AKAP13: variants seen among roughly 807,000 people sequenced by gnomAD.
The protein encoded by AKAP13 is A-kinase anchor protein 13.
In AKAP13, 80 loss-of-function variants were observed where a neutral mutation model predicts 264.5. The observed-to-expected ratio is 0.30, with a 90% CI of 0.25 to 0.36. The LOEUF (loss-of-function observed/expected upper bound fraction) is 0.36, where lower values mean the gene tolerates loss of function less well. Among genes scored for constraint, AKAP13 ranks in the 10% least tolerant of loss-of-function variants. AKAP13 has a pLI of 1.00. For missense variants in AKAP13, 3,712 were observed against 3,435.2 expected, an observed-to-expected ratio of 1.08 and a Z score of -2.01; for synonymous variants, 1,380 against 1,250.2, an observed-to-expected ratio of 1.10 and a Z score of -2.19.
chr15:85,582,975 G>C (rs2079185792), intron 7 of AKAP13: 2 of 985,420 alleles, frequency 2.0e-6, no homozygotes, highest in Non-Finnish European at 2.4e-6. Flanking sequence ...AACCGCTATT[G>C]CTCCGTGGAA....
At chr15:85,405,454 T>G (rs2071617417) in intron 1 of AKAP13, among the ~76,000 whole-genome samples, 1 of 152,218 alleles carries the variant, frequency 6.6e-6, no homozygotes, top group African/African-American at 2.4e-5. Context: ...AATTCTAATC[T>G]TGTGTGGATA....
At chr15:85,419,216 T>C (rs552119692) in intron 1 of AKAP13, among the ~76,000 whole-genome samples, 4 of 152,388 alleles carry the variant, frequency 2.6e-5, no homozygotes, top group African/African-American at 9.6e-5. Context: ...GCAAGTACTT[T>C]GCAAACTTCT....
intron 5 of AKAP13, among the ~76,000 whole-genome samples, chr15:85,553,771 C>T (rs1206974151): frequency 6.6e-6 from 1 of 152,166 alleles, no homozygotes; most frequent in Non-Finnish European, 1.5e-5. Flanking sequence ...GTCAGGCGGG[C>T]GAGCGAGCAT....
intron 2 of AKAP13, among the ~76,000 whole-genome samples, chr15:85,520,902 T>A (rs991201864): frequency 4.6e-5 from 7 of 152,252 alleles, no homozygotes; most frequent in Non-Finnish European, 8.8e-5. Context: ...CAAGCTCGTC[T>A]TCTTTGCACT....
chr15:85,405,869 CAG>C (rs1242072411), intron 1 of AKAP13, among the ~76,000 whole-genome samples: 1 of 151,748 alleles, frequency 6.6e-6, no homozygotes, highest in African/African-American at 2.4e-5. Flanking sequence ...TTTTTTGAGA[CAG>C]AGTCTTGCCC....
chr15:85,733,879 T>C (rs1304270142), intron 30 of AKAP13, among the ~76,000 whole-genome samples: 9 of 143,520 alleles, frequency 6.3e-5, no homozygotes, highest in South Asian at 2.2e-4. Context: ...TTTTCTTTTT[T>C]TTTTTTTTTT....
Position 85,744,792 on chromosome 15 carries a change from GTCC to G in AKAP13, c.*120_*122del. 1.0e-6 allele frequency: 1 copy of G among 992,742 alleles called. No individual in the cohort carries two copies. The highest frequency in any genetic ancestry group is 1.6e-5 in the South Asian group (1 of 61,972). The allele number at this position is 992,742 out of a possible 1,614,324, so 61.5% of individuals were successfully genotyped here. ...GACGCCCACTGCTCCTCAGCGTCCA[GTCC>G]TCCTGGGCGGCCCCAGGTCCTGGAC... On this transcript the variant is annotated 3_prime_UTR_variant, in exon 37 of 37. Transcript: ENST00000394518.
chr15:85,731,112 C>G (rs1434974745), intron 30 of AKAP13, among the ~76,000 whole-genome samples: 1 of 135,258 alleles, frequency 7.4e-6, no homozygotes, highest in African/African-American at 2.8e-5. Context: ...TCAAGTGATT[C>G]TCTTGTCTCA....
intron 5 of AKAP13, among the ~76,000 whole-genome samples, chr15:85,562,564 C>CA (rs1253215813): frequency 0.016 from 533 of 33,752 alleles, 23 homozygotes; most frequent in African/African-American, 0.02. Flanking sequence ...GAATCTGCCT[C>CA]AAAAAAAAAA....
At chr15:85,643,496 C>A (rs990185431) in intron 9 of AKAP13, among the ~76,000 whole-genome samples, 5 of 152,202 alleles carry the variant, frequency 3.3e-5, no homozygotes, top group African/African-American at 1.2e-4. Flanking sequence ...TTCCCACTTT[C>A]AACACACAGA....
At chr15:85,735,730 A>T in intron 32 of AKAP13, 100 bp downstream of exon 32, 2 of 1,159,036 alleles carry the variant, frequency 1.7e-6, no homozygotes, top group Admixed American at 2.4e-5. Context: ...CGATGCCTGA[A>T]TTGCTGCTTT....
intron 36 of AKAP13, 200 bp downstream of exon 36, chr15:85,744,025 T>G (rs963393686): frequency 1.6e-6 from 1 of 612,418 alleles, no homozygotes; most frequent in Non-Finnish European, 2.8e-6. Context: ...GTGGCACGTG[T>G]GCAGAAGCAG....
Position 85,585,685 on chromosome 15 carries a change from C to T in AKAP13, c.4040-17C>T, listed in dbSNP as rs370113476. On this transcript the variant is annotated splice_polypyrimidine_tract_variant and intron_variant, in intron 7 of 36. Coordinates refer to ENST00000394518, the MANE Select transcript of AKAP13 (RefSeq NM_007200.5). ...CAGTTTTTAAAAATGTACTCTGTAA[C>T]CCCCCTGCACTTTCAGAAATGCCAG... is the stretch of plus-strand genomic sequence containing the variant. 3 of 1,613,418 alleles carry T rather than the reference C, an allele frequency of 1.9e-6. No individual in the cohort carries two copies. The highest frequency in any genetic ancestry group is 1.7e-6 in the Non-Finnish European group (2 of 1,179,646).
chr15:85,550,595 A>G (rs1305598033), intron 5 of AKAP13, among the ~76,000 whole-genome samples: 2 of 152,222 alleles, frequency 1.3e-5, no homozygotes, highest in East Asian at 1.9e-4. Flanking sequence ...GCCCTTTTAG[A>G]TTCCTCTTCA....
intron 3 of AKAP13, among the ~76,000 whole-genome samples, chr15:85,527,185 G>C (rs962376259): frequency 9.2e-5 from 14 of 152,128 alleles, no homozygotes; most frequent in African/African-American, 2.4e-5. Context: ...GGATGGTCTT[G>C]ATCTCCTGAC....
intron 1 of AKAP13, among the ~76,000 whole-genome samples, chr15:85,448,104 G>T (rs1312769812): frequency 1.3e-5 from 2 of 152,000 alleles, no homozygotes; most frequent in Non-Finnish European, 1.5e-5. Flanking sequence ...GTTTTGATTT[G>T]CATTTCTCTA....
intron 10 of AKAP13, 40 bp from the exon 11 acceptor site, chr15:85,655,377 C>T (rs771120906): frequency 6.3e-7 from 1 of 1,585,068 alleles, no homozygotes; most frequent in Non-Finnish European, 8.6e-7. Flanking sequence ...TCTGATTGGC[C>T]CTGCTGGCTT....
intron 1 of AKAP13, among the ~76,000 whole-genome samples, chr15:85,417,366 A>G (rs918243765): frequency 6.6e-6 from 1 of 152,172 alleles, no homozygotes; most frequent in Admixed American, 6.5e-5. Context: ...AATCTTTCTG[A>G]TACTCACTGG....
chr15:85,533,933 T>A (rs115105465), intron 4 of AKAP13, 53 bp downstream of exon 4: 1 of 1,494,488 alleles, frequency 6.7e-7, no homozygotes. Context: ...TATTTCTACT[T>A]TTTTTTTAAT....
Sources: allele counts gnomAD v4.1 joint callset (sites outside exome capture counted in the v4.1 genomes callset), GRCh38; gene constraint gnomAD v4.1.1; transcripts MANE v1.5; gene names NCBI Gene and HGNC (gene_info 2026-07-23, HGNC 2026-07-21).